CCDC122: variants seen among roughly 807,000 people sequenced by gnomAD.
The protein encoded by CCDC122 is coiled-coil domain containing 122, also known as coiled-coil domain-containing protein 122.
In CCDC122, 38 loss-of-function variants were observed where a neutral mutation model predicts 37.0. The observed-to-expected ratio is 1.03, with a 90% CI of 0.79 to 1.35. CCDC122 has a LOEUF of 1.35. CCDC122 is among the 40% of genes most tolerant of loss of function. The pLI is 0.00. For synonymous variants in CCDC122, 83 were observed against 95.6 expected (o/e 0.87, Z 0.77); for missense variants, 305 against 310.0 (o/e 0.98, Z 0.12).
chr13:43,846,327 G>C (rs1477310795), intron 6 of CCDC122, among the ~76,000 whole-genome samples: 1 of 152,096 alleles, frequency 6.6e-6, no homozygotes, highest in Non-Finnish European at 1.5e-5. Flanking sequence ...GCCCACCTTG[G>C]ACTCTCAAAG....
downstream of CCDC122, among the ~76,000 whole-genome samples, chr13:43,836,164 G>T (rs1377298960): frequency 2.6e-5 from 4 of 151,964 alleles, no homozygotes; most frequent in Admixed American, 2.0e-4. Context: ...ATTTGTTTTT[G>T]TTTCTAAGTA....
chr13:43,849,451 G>A (rs571125927), intron 6 of CCDC122, among the ~76,000 whole-genome samples: 62 of 152,290 alleles, frequency 4.1e-4, no homozygotes, highest in Non-Finnish European at 8.1e-4. Flanking sequence ...ACAAACATTA[G>A]AAGCTCATGA....
intron 2 of CCDC122, among the ~76,000 whole-genome samples, chr13:43,870,231 C>T (rs1954402567): frequency 6.6e-6 from 1 of 152,050 alleles, no homozygotes; most frequent in Admixed American, 6.5e-5. Flanking sequence ...CATAACCATT[C>T]CTTGAAATTT....
At chr13:43,830,749 G>C (rs963268788) in intron 3 of CCDC122, among the ~76,000 whole-genome samples, 1 of 152,182 alleles carries the variant, frequency 6.6e-6, no homozygotes, top group Admixed American at 6.5e-5. Context: ...TAAATGAAGA[G>C]ATTATTTTCA....
At chr13:43,859,205 T>G (rs1184567422) in intron 5 of CCDC122, among the ~76,000 whole-genome samples, 1 of 152,118 alleles carries the variant, frequency 6.6e-6, no homozygotes, top group Non-Finnish European at 1.5e-5. Context: ...ATGATCAATA[T>G]TTTAAGTTTG....
rs149587078 is a variant in CCDC122, at chr13:43,863,281, A to T, written c.157-3211T>A. 1.1e-4 allele frequency among the ~76,000 whole-genome samples: 17 copies of T among 152,292 alleles called. No homozygotes were observed. The East Asian group carries it at 3.1e-3, about 28-fold the overall frequency. On this transcript the variant is annotated intron_variant, in intron 4 of 6. Transcript: ENST00000444614. ...TTATATAAATAGAATCATTTAATAC[A>T]TAATTTTAAGTCTTATTTCAATAAG...
intron 1 of CCDC122, among the ~76,000 whole-genome samples, chr13:43,875,680 A>T (rs994462284): frequency 6.6e-6 from 1 of 152,184 alleles, no homozygotes; most frequent in Admixed American, 6.5e-5. Context: ...GTCCCAAATG[A>T]CCAGTACTGG....
intron 3 of CCDC122, among the ~76,000 whole-genome samples, chr13:43,825,695 G>T (rs147765677): frequency 1.3e-5 from 2 of 151,336 alleles, no homozygotes; most frequent in African/African-American, 4.9e-5. Context: ...ACTTGAACTC[G>T]GGAGGCGGAG....
chr13:43,878,666 C>T (rs1248424054), intron 1 of CCDC122, among the ~76,000 whole-genome samples: 1 of 152,200 alleles, frequency 6.6e-6, no homozygotes. Context: ...ATACACTGGC[C>T]TTCCATGTCC....
downstream of CCDC122, among the ~76,000 whole-genome samples, chr13:43,822,625 C>G (rs1379640610): frequency 6.6e-6 from 1 of 152,236 alleles, no homozygotes; most frequent in South Asian, 2.1e-4. Context: ...TTCTATTCTA[C>G]TGTGGCTAAG....
intron 6 of CCDC122, chr13:43,854,402 T>C (rs1953839502): frequency 6.6e-6 from 1 of 152,028 alleles, no homozygotes; most frequent in Non-Finnish European, 1.5e-5. Flanking sequence ...CCTGGAGACA[T>C]ACACCCTCCC....
chr13:43,840,931 T>C (rs576743646), intron 6 of CCDC122, among the ~76,000 whole-genome samples: 4 of 152,328 alleles, frequency 2.6e-5, no homozygotes, highest in African/African-American at 9.6e-5. Context: ...ATGGTATTTA[T>C]AGTTCTAGAT....
intron 6 of CCDC122, among the ~76,000 whole-genome samples, chr13:43,852,798 A>T (rs1006100448): frequency 4.6e-5 from 7 of 151,940 alleles, no homozygotes; most frequent in African/African-American, 1.7e-4. Flanking sequence ...TCTCAGCAGA[A>T]ACCCTACAAG....
chr13:43,851,793 A>G (rs1953741504), intron 6 of CCDC122, among the ~76,000 whole-genome samples: 1 of 152,192 alleles, frequency 6.6e-6, no homozygotes, highest in African/African-American at 2.4e-5. Context: ...GGGCCAGAGA[A>G]CAAAACTGGG....
intron 2 of CCDC122, among the ~76,000 whole-genome samples, chr13:43,872,513 CT>C: frequency 6.6e-6 from 1 of 152,228 alleles, no homozygotes; most frequent in East Asian, 1.9e-4. Flanking sequence ...TCTCACACCT[CT>C]TTTCCCTTCC....
chr13:43,864,645 G>T (rs1954216024), intron 4 of CCDC122, among the ~76,000 whole-genome samples: 1 of 152,078 alleles, frequency 6.6e-6, no homozygotes, highest in African/African-American at 2.4e-5. Flanking sequence ...TTCATGACAG[G>T]ATCTGCCTCC....
downstream of CCDC122, among the ~76,000 whole-genome samples, chr13:43,835,440 C>T (rs1953138727): frequency 6.6e-6 from 1 of 151,884 alleles, no homozygotes; most frequent in Non-Finnish European, 1.5e-5. Flanking sequence ...TGCACATGTA[C>T]CCTAAAAATT....
At chr13:43,840,638 GGTT>G (rs1472952675) in intron 6 of CCDC122, among the ~76,000 whole-genome samples, 4 of 151,924 alleles carry the variant, frequency 2.6e-5, no homozygotes, top group Non-Finnish European at 4.4e-5. Flanking sequence ...TGCGGTGTTT[GGTT>G]TTTTGTCTTG....
chr13:43,862,800 T>C (rs945928768), intron 4 of CCDC122, among the ~76,000 whole-genome samples: 8 of 152,194 alleles, frequency 5.3e-5, no homozygotes, highest in Non-Finnish European at 1.2e-4. Flanking sequence ...TATTGACCCA[T>C]ACAATTTGGT....
Sources: allele counts gnomAD v4.1 joint callset (sites outside exome capture counted in the v4.1 genomes callset), GRCh38; gene constraint gnomAD v4.1.1; transcripts MANE v1.5; gene names NCBI Gene and HGNC (gene_info 2026-07-23, HGNC 2026-07-21).